The following NT5DC1 variants were observed in gnomAD, a reference collection of about 807,000 sequenced individuals.
NT5DC1 encodes the protein 5'-nucleotidase domain containing 1.
NT5DC1 carries 42 observed loss-of-function variants against 59.4 expected under a neutral mutation model. That is an observed-to-expected ratio of 0.71 (90% CI 0.55 to 0.92). The LOEUF (loss-of-function observed/expected upper bound fraction) is 0.92, where lower values mean the gene tolerates loss of function less well. Ranked by LOEUF, NT5DC1 falls within the 40% of genes least tolerant of loss-of-function variation. NT5DC1 has a pLI of 0.00. For synonymous variants in NT5DC1, 172 were observed against 188.1 expected, an observed-to-expected ratio of 0.91 and a Z score of 0.70; for missense variants, 501 against 537.1, an observed-to-expected ratio of 0.93 and a Z score of 0.66.
Position 116,200,000 on chromosome 6 carries a change from G to GT in NT5DC1, c.530-21054_530-21053insT, listed in dbSNP as rs538843246. Among the ~76,000 whole-genome samples the GT allele has an allele frequency of 6.0e-3, 549 of 91,046 alleles. 19 individuals carry two copies. Among genetic ancestry groups the GT allele is most frequent in the South Asian group, 0.058 (223 of 3,850 alleles). The allele number at this position is 91,046 out of a possible 152,430, so 59.7% of individuals were successfully genotyped here. A position where few individuals can be genotyped will look rare whatever the true frequency, so the allele number is the denominator to read the frequency against. ...TTACAAAGAGTACAGTATGGAAAGT[G>GT]GGGGGGGAAGAGTAACTTTGCAGTG... On this transcript the variant is annotated intron_variant, in intron 6 of 11. Coordinates refer to ENST00000319550, the MANE Select transcript of NT5DC1 (RefSeq NM_152729.3).
intron 6 of NT5DC1, among the ~76,000 whole-genome samples, chr6:116,124,142 C>A (rs924971728): frequency 2.6e-5 from 4 of 151,792 alleles, no homozygotes; most frequent in African/African-American, 9.7e-5. Flanking sequence ...TATTAAGTTT[C>A]CTTTTGTGAA....
intron 6 of NT5DC1, among the ~76,000 whole-genome samples, chr6:116,148,569 A>ATGTTAACATGTTTAT (rs2114389106): frequency 6.6e-6 from 1 of 152,210 alleles, no homozygotes; most frequent in East Asian, 1.9e-4. Context: ...ATGTTAATTA[A>ATGTTAACATGTTTAT]TAGAAGTATT....
rs116814159 is a variant in NT5DC1, at chr6:116,171,395, A to G, written c.530-49659A>G. On this transcript the variant is annotated intron_variant, in intron 6 of 11. Coordinates refer to ENST00000319550, the MANE Select transcript of NT5DC1 (RefSeq NM_152729.3). ...TGTTCTAAAAGGCCATTTGTAATCT[A>G]TTTGTCAGAAATTTGGAATATACTT... Among the ~76,000 whole-genome samples, 1,416 of 152,266 alleles carry G rather than the reference A, an allele frequency of 9.3e-3. 18 individuals are homozygous for G. Among genetic ancestry groups the G allele is most frequent in the African/African-American group, 0.031 (1,307 of 41,544 alleles).
At chr6:116,181,833 T>C (rs1780878629) in intron 6 of NT5DC1, among the ~76,000 whole-genome samples, 1 of 152,060 alleles carries the variant, frequency 6.6e-6, no homozygotes, top group African/African-American at 2.4e-5. Context: ...TCAAATTAAT[T>C]ATATAAATTC....
chr6:116,241,922 CAA>C (rs772261524), intron 11 of NT5DC1, among the ~76,000 whole-genome samples: 1 of 10,544 alleles, frequency 9.5e-5, no homozygotes, highest in Non-Finnish European at 1.5e-4. Context: ...GACTCCGTCT[CAA>C]AAAAAAAAAA....
chr6:116,233,823 TATTA>T (rs1425881795), intron 8 of NT5DC1, among the ~76,000 whole-genome samples: 1 of 152,194 alleles, frequency 6.6e-6, no homozygotes, highest in Non-Finnish European at 1.5e-5. Context: ...TTTTTATCTG[TATTA>T]ATTTATTTAC....
chr6:116,186,338 G>A (rs1380406459), intron 6 of NT5DC1, among the ~76,000 whole-genome samples: 1 of 150,708 alleles, frequency 6.6e-6, no homozygotes, highest in African/African-American at 2.4e-5. Flanking sequence ...AGATAACCTG[G>A]TGACTGTGTG....
chr6:116,120,836 G>C (rs770327915), intron 6 of NT5DC1: 2 of 1,613,962 alleles, frequency 1.2e-6, no homozygotes, highest in South Asian at 2.2e-5. Context: ...CTTTGCTCCT[G>C]CTGGGCCCAC....
intron 6 of NT5DC1, among the ~76,000 whole-genome samples, chr6:116,152,069 A>T (rs1780055512): frequency 6.6e-6 from 1 of 152,236 alleles, no homozygotes; most frequent in Non-Finnish European, 1.5e-5. Context: ...TACAAAGCAG[A>T]AGGTGAAATG....
intron 6 of NT5DC1, among the ~76,000 whole-genome samples, chr6:116,212,945 T>G (rs2114529144): frequency 6.6e-6 from 1 of 152,296 alleles, no homozygotes; most frequent in Middle Eastern, 3.4e-3. Flanking sequence ...TAGAAACCTT[T>G]GAGTTATTTT....
chr6:116,187,590 A>G (rs917099191), intron 6 of NT5DC1, among the ~76,000 whole-genome samples: 1 of 152,122 alleles, frequency 6.6e-6, no homozygotes, highest in Non-Finnish European at 1.5e-5. Context: ...GCTTGATGAC[A>G]GAACAGGTAC....
intron 8 of NT5DC1, among the ~76,000 whole-genome samples, chr6:116,226,748 GATA>G (rs1781918544): frequency 5.3e-5 from 8 of 151,962 alleles, no homozygotes; most frequent in Admixed American, 5.2e-4. Flanking sequence ...AGCACATCCT[GATA>G]ATAAATATAC....
chr6:116,231,787 A>G (rs1782025195), intron 8 of NT5DC1, among the ~76,000 whole-genome samples: 1 of 152,254 alleles, frequency 6.6e-6, no homozygotes. Context: ...GTAAAATAGA[A>G]TGAAATGCAC....
intron 6 of NT5DC1, among the ~76,000 whole-genome samples, chr6:116,198,725 T>C (rs1206604271): frequency 1.3e-5 from 2 of 151,844 alleles, no homozygotes. Context: ...GAAGATCCTG[T>C]CTCTAAACAA....
intron 6 of NT5DC1, among the ~76,000 whole-genome samples, chr6:116,140,832 C>T (rs990356371): frequency 2.0e-5 from 3 of 152,106 alleles, no homozygotes; most frequent in African/African-American, 7.2e-5. Flanking sequence ...TCATTTTTCA[C>T]TGCTCTGTAG....
intron 6 of NT5DC1, among the ~76,000 whole-genome samples, chr6:116,185,241 C>A (rs1780971047): frequency 6.6e-6 from 1 of 152,044 alleles, no homozygotes. Flanking sequence ...GATATAATTT[C>A]AGTCTTCTTA....
intron 6 of NT5DC1, among the ~76,000 whole-genome samples, chr6:116,129,519 A>C (rs559465448): frequency 6.6e-6 from 1 of 152,278 alleles, no homozygotes; most frequent in South Asian, 2.1e-4. Context: ...CTTTATATAG[A>C]AGCAAGCTCG....
chr6:116,164,380 A>G (rs768895079), intron 6 of NT5DC1, among the ~76,000 whole-genome samples: 41 of 151,994 alleles, frequency 2.7e-4, no homozygotes, highest in Non-Finnish European at 4.6e-4. Context: ...TTTAAAGTCT[A>G]TTTTATCTGA....
chr6:116,119,797 C>A, intron 6 of NT5DC1: 11 of 276,744 alleles, frequency 4.0e-5, no homozygotes, highest in Non-Finnish European at 6.7e-5. Context: ...TTGTTTTTAA[C>A]ATAGCAGGAC....
Sources: allele counts gnomAD v4.1 joint callset (sites outside exome capture counted in the v4.1 genomes callset), GRCh38; gene constraint gnomAD v4.1.1; transcripts MANE v1.5; gene names NCBI Gene and HGNC (gene_info 2026-07-23, HGNC 2026-07-21).